PLD5: variants seen among roughly 807,000 people sequenced by gnomAD.
PLD5 encodes the protein inactive phospholipase D5.
In PLD5, 36 loss-of-function variants were observed where a neutral mutation model predicts 61.1. The ratio of observed to expected loss-of-function variants is 0.59; its 90% CI spans 0.45 to 0.78. The LOEUF (loss-of-function observed/expected upper bound fraction) is 0.78, where lower values mean the gene tolerates loss of function less well. Ranked by LOEUF, PLD5 falls within the 30% of genes least tolerant of loss-of-function variation. The pLI is 0.00. For synonymous variants in PLD5, 243 were observed against 242.8 expected (o/e 1.00, Z -0.01); for missense variants, 515 against 644.4 (o/e 0.80, Z 2.17).
Position 242,124,783 on chromosome 1 carries a change from T to G in PLD5, c.736-118A>C, listed in dbSNP as rs1278886648. 3.9e-6 allele frequency: 3 copies of G among 774,120 alleles called. No homozygotes were observed. The East Asian group carries it at 8.0e-5, about 21-fold the overall frequency. The allele number at this position is 774,120 out of a possible 1,614,324, so 48.0% of individuals were successfully genotyped here. ...GACATCTTTTTTCTTGCATTTGAAG[T>G]AAGTAGATATAGTTACATTATGGTA... On this transcript the variant is annotated intron_variant, in intron 5 of 9. Coordinates refer to ENST00000536534, the MANE Select transcript of PLD5 (RefSeq NM_001372062.1).
chr1:242,491,051 T>C (rs920761573), intron 1 of PLD5, among the ~76,000 whole-genome samples: 2 of 152,228 alleles, frequency 1.3e-5, no homozygotes, highest in African/African-American at 4.8e-5. Flanking sequence ...TGATCTTCAC[T>C]AAGTTATTCT....
chr1:242,251,257 A>G lies in PLD5; in HGVS notation c.607+14080T>C, dbSNP rs905032080. Among the ~76,000 whole-genome samples, 11 of 152,328 alleles carry G rather than the reference A, an allele frequency of 7.2e-5. No homozygotes were observed. The South Asian group carries it at 8.3e-4, about 11-fold the overall frequency. The stretch of plus-strand genomic sequence containing the variant: ...AAGCAGAAGCAATCAATGCAGCAAG[A>G]GTAAATAAAGTGAAGAGAAGGGAAG... On this transcript the variant is annotated intron_variant, in intron 4 of 9. Transcript: ENST00000536534.
intron 1 of PLD5, among the ~76,000 whole-genome samples, chr1:242,447,245 C>G (rs1666581517): frequency 6.6e-6 from 1 of 152,112 alleles, no homozygotes; most frequent in South Asian, 2.1e-4. Flanking sequence ...AGGCCAGAGC[C>G]CAAGCTGGGC....
intron 1 of PLD5, among the ~76,000 whole-genome samples, chr1:242,431,959 G>A (rs1331081378): frequency 6.6e-6 from 1 of 152,116 alleles, no homozygotes; most frequent in Non-Finnish European, 1.5e-5. Flanking sequence ...ATCCTACAAG[G>A]GAATCTGAGA....
At chr1:242,407,083 C>A (rs1416145651) in intron 1 of PLD5, among the ~76,000 whole-genome samples, 1 of 152,042 alleles carries the variant, frequency 6.6e-6, no homozygotes, top group Non-Finnish European at 1.5e-5. Context: ...GTGGGAGGGA[C>A]CTGGTAGGAG....
intron 1 of PLD5, among the ~76,000 whole-genome samples, chr1:242,372,082 T>C (rs964446173): frequency 6.6e-5 from 10 of 152,198 alleles, no homozygotes; most frequent in African/African-American, 2.2e-4. Context: ...TGTCCGTGTG[T>C]TCTCATTGAA....
chr1:242,263,583 GA>G (rs1673491641), intron 4 of PLD5, among the ~76,000 whole-genome samples: 1 of 151,760 alleles, frequency 6.6e-6, no homozygotes, highest in Non-Finnish European at 1.5e-5. Context: ...TCACTACCTA[GA>G]AAATAGCTAT....
chr1:242,412,785 G>T (rs79805488), intron 1 of PLD5, among the ~76,000 whole-genome samples: 6,729 of 152,278 alleles, frequency 0.044, 179 homozygotes, highest in Middle Eastern at 0.095. Context: ...CATTTGTGCA[G>T]ATTTTCATGC....
At chr1:242,185,024 C>A (rs186535790) in intron 5 of PLD5, among the ~76,000 whole-genome samples, 1 of 152,176 alleles carries the variant, frequency 6.6e-6, no homozygotes, top group Non-Finnish European at 1.5e-5. Flanking sequence ...GTAGTTTGAC[C>A]TGCTGAGCAT....
intron 1 of PLD5, among the ~76,000 whole-genome samples, chr1:242,521,326 T>A (rs1171507415): frequency 6.6e-6 from 1 of 152,166 alleles, no homozygotes; most frequent in Non-Finnish European, 1.5e-5. Flanking sequence ...AGCCTTTAAA[T>A]CAGAAAAGAA....
chr1:242,443,765 C>T (rs888909969), intron 1 of PLD5, among the ~76,000 whole-genome samples: 1 of 152,188 alleles, frequency 6.6e-6, no homozygotes, highest in African/African-American at 2.4e-5. Context: ...ATGAACCACA[C>T]CACTTCTTTT....
chr1:242,143,203 T>TTTTTTTC (rs995334837), intron 5 of PLD5, among the ~76,000 whole-genome samples: 1 of 151,732 alleles, frequency 6.6e-6, no homozygotes, highest in African/African-American at 2.4e-5. Context: ...TGTTTTTTTC[T>TTTTTTTC]TTTTTTCTTT....
At chr1:242,423,918 T>C (rs1268098491) in intron 1 of PLD5, among the ~76,000 whole-genome samples, 2 of 152,228 alleles carry the variant, frequency 1.3e-5, no homozygotes, top group Non-Finnish European at 2.9e-5. Context: ...GCCATCATTG[T>C]CTGATACAAT....
At chr1:242,299,310 A>T (rs1675896341) in intron 2 of PLD5, among the ~76,000 whole-genome samples, 1 of 152,188 alleles carries the variant, frequency 6.6e-6, no homozygotes, top group African/African-American at 2.4e-5. Context: ...AAGTAATTAT[A>T]AAATATACAA....
At chr1:242,207,784 T>TTTATATTTA (rs1669437117) in intron 5 of PLD5, among the ~76,000 whole-genome samples, 1 of 61,348 alleles carries the variant, frequency 1.6e-5, no homozygotes, top group Non-Finnish European at 2.8e-5. Context: ...TTATATATAT[T>TTTATATTTA]TATATTTATA....
intron 5 of PLD5, among the ~76,000 whole-genome samples, chr1:242,171,520 G>T (rs1336452937): frequency 6.6e-6 from 1 of 152,058 alleles, no homozygotes; most frequent in Non-Finnish European, 1.5e-5. Flanking sequence ...CACAATGACA[G>T]GATCAAATTC....
intron 2 of PLD5, among the ~76,000 whole-genome samples, chr1:242,326,951 C>T (rs1404671349): frequency 4.0e-5 from 6 of 151,796 alleles, no homozygotes; most frequent in African/African-American, 1.2e-4. Flanking sequence ...CTGCAACCTC[C>T]GCCTCCCAGA....
intron 3 of PLD5, among the ~76,000 whole-genome samples, chr1:242,281,171 T>C (rs1037632038): frequency 6.6e-6 from 1 of 152,246 alleles, no homozygotes; most frequent in African/African-American, 2.4e-5. Flanking sequence ...TAATATCATT[T>C]ACAAATGAAT....
chr1:242,305,357 C>T (rs891822373), intron 2 of PLD5, among the ~76,000 whole-genome samples: 2 of 152,260 alleles, frequency 1.3e-5, no homozygotes, highest in African/African-American at 4.8e-5. Context: ...ACACACATTC[C>T]TTTGTAGCTA....
Sources: allele counts gnomAD v4.1 joint callset (sites outside exome capture counted in the v4.1 genomes callset), GRCh38; gene constraint gnomAD v4.1.1; transcripts MANE v1.5; gene names NCBI Gene and HGNC (gene_info 2026-07-23, HGNC 2026-07-21).